NTRK1: variants seen among roughly 807,000 people sequenced by gnomAD.
The protein encoded by NTRK1 is high affinity nerve growth factor receptor.
NTRK1 carries 62 observed loss-of-function variants against 86.8 expected under a neutral mutation model. The observed-to-expected ratio is 0.71, with a 90% CI of 0.58 to 0.88. The LOEUF (loss-of-function observed/expected upper bound fraction) is 0.88, where lower values mean the gene tolerates loss of function less well. Among genes scored for constraint, NTRK1 ranks in the 40% least tolerant of loss-of-function variants. The probability of loss-of-function intolerance (pLI) is 0.00; values close to 1 mark genes in which losing one functional copy is unlikely to be tolerated. For synonymous variants in NTRK1, 469 were observed against 456.6 expected (o/e 1.03, Z -0.35); for missense variants, 967 against 1,078.4 (o/e 0.90, Z 1.45).
intron 2 of NTRK1, chr1:156,849,117 G>A: frequency 1.3e-6 from 2 of 1,596,846 alleles, no homozygotes; most frequent in Non-Finnish European, 1.7e-6. Context: ...TGACCCCGCG[G>A]CATCCCATTC....
At chr1:156,857,034 A>G (rs953366774), upstream of NTRK1, among the ~76,000 whole-genome samples, 2 of 151,948 alleles carry the variant, frequency 1.3e-5, no homozygotes, top group Non-Finnish European at 2.9e-5. Context: ...ATGCCACGCT[A>G]TCCAGGCCCC....
chr1:156,879,891 AACC>A, intron 15 of NTRK1, 105 bp from the exon 16 acceptor site: 1 of 1,431,820 alleles, frequency 7.0e-7, no homozygotes, highest in Non-Finnish European at 9.7e-7. Flanking sequence ...TACAGGCGTG[AACC>A]ACCGAGCTTG....
upstream of NTRK1, chr1:156,858,605 A>G: frequency 6.2e-7 from 1 of 1,614,094 alleles, no homozygotes; most frequent in Non-Finnish European, 8.5e-7. Context: ...CCAGGGCCAC[A>G]GACTAGGCAC....
upstream of NTRK1, among the ~76,000 whole-genome samples, chr1:156,858,231 C>G (rs188267436): frequency 6.6e-6 from 1 of 152,360 alleles, no homozygotes; most frequent in African/African-American, 2.4e-5. Context: ...ACTTCTAACA[C>G]TCTCACGGCC....
At chr1:156,872,302 C>A (rs1309437977) in intron 7 of NTRK1, among the ~76,000 whole-genome samples, 1 of 152,194 alleles carries the variant, frequency 6.6e-6, no homozygotes, top group Non-Finnish European at 1.5e-5. Context: ...CAACACCTCT[C>A]CCTGTTCGCA....
chr1:156,880,071 G>A lies in NTRK1; in HGVS notation c.2119G>A (p.Glu707Lys), dbSNP rs747855434. ...ESILYRKFTTESDVWSFGVVL... is the reference protein window; with the variant it reads ...ESILYRKFTTKSDVWSFGVVL... Reference sequence around the variant, plus strand: ...CATCCTGTACCGTAAGTTCACCACCGAGAGCGACGTGTGGAGCTTCGGCGT... The same window carrying A: ...CATCCTGTACCGTAAGTTCACCACCAAGAGCGACGTGTGGAGCTTCGGCGT... Residue 707 changes from glutamate (E) to lysine (K), a missense_variant, in exon 16 of 17, where the codon GAG becomes AAG. Glu to Lys is a moderately conservative substitution (Grantham distance 56). Coordinates refer to ENST00000524377, the MANE Select transcript of NTRK1 (RefSeq NM_002529.4). The A allele has an allele frequency of 1.1e-5, 18 of 1,613,406 alleles. No individual in the cohort carries two copies. Among genetic ancestry groups the A allele is most frequent in the Admixed American group, 3.3e-5 (2 of 59,992 alleles).
intron 2 of NTRK1, chr1:156,851,876 C>A: frequency 6.3e-7 from 1 of 1,577,874 alleles, no homozygotes; most frequent in Non-Finnish European, 8.6e-7. Flanking sequence ...CCCCCACCCT[C>A]CCTACACTCA....
chr1:156,833,534 G>A (rs1224340167), intron 1 of NTRK1, among the ~76,000 whole-genome samples: 1 of 150,376 alleles, frequency 6.6e-6, no homozygotes, highest in African/African-American at 2.4e-5. Context: ...TCCAGCCTGG[G>A]CGATAAGAGC....
intron 1 of NTRK1, among the ~76,000 whole-genome samples, chr1:156,817,047 T>TCTCTCTCTCTCTCTCTC (rs1654008835): frequency 2.5e-4 from 28 of 113,856 alleles, no homozygotes; most frequent in South Asian, 3.2e-4. Context: ...GAACTTCCCT[T>TCTCTCTCTCTCTCTCTC]TCTCTCTCTC....
Position 156,861,032 on chromosome 1 carries a change from C to T in NTRK1, c.98C>T (p.Ala33Val). The change falls in exon 1 of 17, where the codon GCC becomes GTC. Residue 33 changes from alanine to valine, a missense_variant. Physicochemically the swap from Ala to Val is moderately conservative, Grantham distance 64 (BLOSUM62 0). Transcript: ENST00000524377. ...LAWLILASAG[A>V]APCPDACCPH... is the part of the protein sequence containing the mutation. ...TGGCTGATACTGGCATCTGCGGGCG[C>T]CGCACCCTGCCCCGATGCCTGCTGC... 1 of 1,545,744 alleles carries T rather than the reference C, an allele frequency of 6.5e-7. No homozygotes were observed. The highest frequency in any genetic ancestry group is 1.2e-5 in the South Asian group (1 of 84,734).
intron 6 of NTRK1, among the ~76,000 whole-genome samples, chr1:156,869,742 C>A (rs534593015): frequency 2.0e-5 from 3 of 152,252 alleles, no homozygotes; most frequent in Non-Finnish European, 4.4e-5. Context: ...CCAGGCCTTA[C>A]CCTTTGTCCT....
At chr1:156,860,815 G>C, upstream of NTRK1, 2 of 1,338,792 alleles carry the variant, frequency 1.5e-6, no homozygotes, top group Non-Finnish European at 1.9e-6. Flanking sequence ...CGCTGGCTCC[G>C]CCCTTTCCTG....
At position 156,855,774 on chromosome 1, in the gene NTRK1, G is replaced by A. The variant is rs527966811; in HGVS notation, c.51-8580G>A. ...CAGAAGGTCAAGGCTGCAGTGAGCC[G>A]TGATCACGCCACTGCACTCCAGCCT... On this transcript the variant is annotated intron_variant, in intron 2 of 16. Transcript: ENST00000392302. 2.4e-4 allele frequency among the ~76,000 whole-genome samples: 36 copies of A among 152,216 alleles called. No individual in the cohort carries two copies. The South Asian group carries it at 5.6e-3, about 24-fold the overall frequency.
chr1:156,863,672 G>A (rs1332087654), intron 1 of NTRK1, among the ~76,000 whole-genome samples: 1 of 152,004 alleles, frequency 6.6e-6, no homozygotes, highest in Non-Finnish European at 1.5e-5. Flanking sequence ...GTGTGTGTGT[G>A]TGTGTGTGTA....
intron 2 of NTRK1, chr1:156,844,146 G>T: frequency 1.3e-6 from 2 of 1,513,596 alleles, no homozygotes; most frequent in African/African-American, 1.4e-5. Flanking sequence ...GGAGAAAAGG[G>T]GGTGGGGACC....
rs761967383 is a variant in NTRK1, at chr1:156,880,026, C to T, written c.2074C>T (p.Arg692Cys). 6.2e-6 allele frequency: 10 copies of T among 1,613,364 alleles called. No homozygotes were observed. In the East Asian group the frequency reaches 6.7e-5, roughly 11 times the overall value. The part of the protein sequence containing the change: ...RVGGRTMLPI[R>C]WMPPESILYR... ...GGGAGGCCGCACCATGCTGCCCATT[C>T]GCTGGATGCCGCCCGAGAGCATCCT... is the stretch of plus-strand genomic sequence containing the variant. The change falls in exon 16 of 17, where the codon CGC becomes TGC. Residue 692 changes from arginine to cysteine, a missense_variant. Arg to Cys is a radical substitution (Grantham distance 180, BLOSUM62 -3). Transcript: ENST00000524377.
chr1:156,844,692 C>T (rs766624698), intron 2 of NTRK1: 1 of 1,614,026 alleles, frequency 6.2e-7, no homozygotes. Flanking sequence ...GGACGGGGGT[C>T]CCACGGGCAC....
chr1:156,821,867 G>A (rs966503365), intron 1 of NTRK1, among the ~76,000 whole-genome samples: 1 of 152,168 alleles, frequency 6.6e-6, no homozygotes, highest in Non-Finnish European at 1.5e-5. Flanking sequence ...TATAGGAACC[G>A]ACATAGAGGT....
upstream of NTRK1, among the ~76,000 whole-genome samples, chr1:156,858,236 A>T (rs1017245503): frequency 2.6e-5 from 4 of 152,196 alleles, no homozygotes; most frequent in African/African-American, 9.7e-5. Flanking sequence ...TAACACTCTC[A>T]CGGCCTCATT....
Sources: gnomAD v4.1 joint callset for allele counts (sites outside exome capture counted in the v4.1 genomes callset) on GRCh38, gnomAD v4.1.1 for gene constraint, MANE v1.5 for transcripts, NCBI Gene and HGNC (gene_info 2026-07-23, HGNC 2026-07-21) for gene names.